The following ST6GAL2 variants were observed in gnomAD, a reference collection of about 807,000 sequenced individuals.
ST6GAL2 encodes ST6 beta-galactoside alpha-2,6-sialyltransferase 2.
In ST6GAL2, 24 loss-of-function variants were observed where a neutral mutation model predicts 37.5. The ratio of observed to expected loss-of-function variants is 0.64; its 90% CI spans 0.46 to 0.90. ST6GAL2 has a LOEUF of 0.90. ST6GAL2 is among the 40% of genes least tolerant of loss of function. The pLI is 0.00. For missense variants in ST6GAL2, 715 were observed against 712.7 expected (o/e 1.00, Z -0.04); for synonymous variants, 306 against 295.1 (o/e 1.04, Z -0.38).
chr2:106,816,411 G>C (rs1675803917), intron 5 of ST6GAL2, among the ~76,000 whole-genome samples: 1 of 152,134 alleles, frequency 6.6e-6, no homozygotes, highest in Non-Finnish European at 1.5e-5. Flanking sequence ...TATGGTTTAA[G>C]TGTTTTGAAA....
chr2:106,809,535 T>A (rs1051846681), intron 5 of ST6GAL2, among the ~76,000 whole-genome samples: 1 of 152,164 alleles, frequency 6.6e-6, no homozygotes, highest in Non-Finnish European at 1.5e-5. Context: ...TAGGGGAGTA[T>A]GTTAGCTGTG....
intron 1 of ST6GAL2, among the ~76,000 whole-genome samples, chr2:106,851,777 A>AGAGTT (rs1394941033): frequency 6.6e-6 from 1 of 151,824 alleles, no homozygotes; most frequent in Admixed American, 6.6e-5. Context: ...TTTGTGTCAA[A>AGAGTT]GAGTTGTCTG....
chr2:106,850,987 T>C (rs541511474), intron 1 of ST6GAL2, among the ~76,000 whole-genome samples: 1 of 152,188 alleles, frequency 6.6e-6, no homozygotes, highest in Non-Finnish European at 1.5e-5. Context: ...ACATGTGCTT[T>C]GTCTACGATG....
chr2:106,878,396 T>G (rs561398428), intron 1 of ST6GAL2, among the ~76,000 whole-genome samples: 180 of 152,010 alleles, frequency 1.2e-3, no homozygotes, highest in South Asian at 2.3e-3. Context: ...CCCAAGAAAT[T>G]GACGCTGAGG....
At chr2:106,841,646 T>C (rs1230342876) in intron 2 of ST6GAL2, among the ~76,000 whole-genome samples, 3 of 152,128 alleles carry the variant, frequency 2.0e-5, no homozygotes, top group Admixed American at 6.5e-5. Context: ...AGCCCAGCTA[T>C]GGCAACACAA....
chr2:106,832,313 A>G (rs1676453814), intron 4 of ST6GAL2, among the ~76,000 whole-genome samples: 1 of 152,228 alleles, frequency 6.6e-6, no homozygotes, highest in Admixed American at 6.5e-5. Flanking sequence ...ATATTTAGAT[A>G]TTCTACATTT....
At chr2:106,820,638 AT>A (rs1473698647) in intron 5 of ST6GAL2, among the ~76,000 whole-genome samples, 1 of 152,088 alleles carries the variant, frequency 6.6e-6, no homozygotes. Flanking sequence ...TGGACCTATA[AT>A]TATTTACAAA....
At chr2:106,866,473 C>T (rs1355698808) in intron 1 of ST6GAL2, among the ~76,000 whole-genome samples, 5 of 152,188 alleles carry the variant, frequency 3.3e-5, no homozygotes, top group Non-Finnish European at 2.9e-5. Context: ...GAGCACAGGA[C>T]TCTGGTGAGG....
At chr2:106,833,547 A>C (rs534373784) in intron 3 of ST6GAL2, among the ~76,000 whole-genome samples, 48 of 152,270 alleles carry the variant, frequency 3.2e-4, no homozygotes, top group African/African-American at 1.2e-3. Context: ...CTTTGCTATA[A>C]ATTTTCAAGG....
rs776520830 is a variant in ST6GAL2 at position 106,806,870 on chromosome 2, G to C, written c.1398C>G (p.Cys466Trp). 1 of 1,614,038 alleles carries C rather than the reference G, an allele frequency of 6.2e-7. No individual in the cohort carries two copies. Among genetic ancestry groups the C allele is most frequent in the Non-Finnish European group, 8.5e-7 (1 of 1,180,038 alleles). The change falls in exon 6 of 6, where the codon TGC becomes TGG. Residue 466 changes from cysteine to tryptophan, a missense_variant. Physicochemically the swap from Cys to Trp is radical, Grantham distance 215. Transcript: ENST00000409382. Reference protein sequence around the residue: ...YIPSVRQTELCHYHELYYDAA... With the variant: ...YIPSVRQTELWHYHELYYDAA... ...CGTCGTAGTACAGCTCGTGGTAGTG[G>C]CACAGCTCCGTCTGCCGCACGGATG...
intron 5 of ST6GAL2, chr2:106,813,114 G>GTTTTTT: frequency 1.8e-6 from 2 of 1,139,294 alleles, no homozygotes; most frequent in South Asian, 4.2e-5. Flanking sequence ...TATATGGCCA[G>GTTTTTT]TTTTTTTTTT....
chr2:106,832,782 T>G, intron 3 of ST6GAL2, 116 bp from the exon 4 acceptor site: 3 of 725,154 alleles, frequency 4.1e-6, no homozygotes, highest in Non-Finnish European at 7.5e-6. Context: ...GCTCAGACGT[T>G]GTATTTTCTT....
intron 1 of ST6GAL2, among the ~76,000 whole-genome samples, chr2:106,859,204 T>C (rs978626464): frequency 2.6e-5 from 4 of 152,158 alleles, no homozygotes; most frequent in Non-Finnish European, 4.4e-5. Context: ...GTTGGCTGAA[T>C]TGACAGTAAA....
chr2:106,836,053 T>C (rs1481434322), intron 2 of ST6GAL2, among the ~76,000 whole-genome samples: 2 of 151,836 alleles, frequency 1.3e-5, no homozygotes, highest in South Asian at 2.1e-4. Flanking sequence ...TATCTACTGA[T>C]ATTTACCATA....
intron 5 of ST6GAL2, among the ~76,000 whole-genome samples, chr2:106,823,942 A>G (rs1228019076): frequency 1.3e-5 from 2 of 152,164 alleles, no homozygotes; most frequent in East Asian, 1.9e-4. Context: ...TCACCTCCCA[A>G]TGGTCCCACC....
At position 106,805,738 on chromosome 2, in the gene ST6GAL2, T is replaced by C. The variant is rs898262902; in HGVS notation, c.*940A>G. 6.6e-6 allele frequency: 1 copy of C among 152,220 alleles called. No individual in the cohort carries two copies. Among genetic ancestry groups the C allele is most frequent in the African/African-American group, 2.4e-5 (1 of 41,450 alleles). 9.4% of individuals were successfully genotyped at this position (152,220 alleles called of 1,614,324 possible). A position where few individuals can be genotyped will look rare whatever the true frequency, so the allele number is the denominator to read the frequency against. ...GTGATGGCTCCAAAATCTTTCCTTC[T>C]AGTTTGGAAGGAGCAAGGTGTCTCC... On this transcript the variant is annotated 3_prime_UTR_variant, in exon 6 of 6. Coordinates refer to ENST00000409382, the MANE Select transcript of ST6GAL2 (RefSeq NM_001142351.2).
intron 1 of ST6GAL2, among the ~76,000 whole-genome samples, chr2:106,844,445 G>T (rs528461225): frequency 6.6e-6 from 1 of 152,202 alleles, no homozygotes; most frequent in East Asian, 1.9e-4. Flanking sequence ...GGTAAGCATG[G>T]TTTGCCCCTT....
intron 1 of ST6GAL2, among the ~76,000 whole-genome samples, chr2:106,862,473 T>C (rs981244351): frequency 5.3e-5 from 8 of 152,206 alleles, no homozygotes; most frequent in African/African-American, 1.7e-4. Context: ...TTGACAAAAA[T>C]CTATACCTAG....
chr2:106,833,363 A>G (rs1676500544), intron 3 of ST6GAL2, among the ~76,000 whole-genome samples: 1 of 152,208 alleles, frequency 6.6e-6, no homozygotes. Flanking sequence ...ACATCTCTGA[A>G]TTAAGGAAAT....
Sources: gnomAD v4.1 joint callset for allele counts (sites outside exome capture counted in the v4.1 genomes callset) on GRCh38, gnomAD v4.1.1 for gene constraint, MANE v1.5 for transcripts, NCBI Gene and HGNC (gene_info 2026-07-23, HGNC 2026-07-21) for gene names.